The following EXT1 variants were observed in gnomAD, a reference collection of about 807,000 sequenced individuals.
EXT1 encodes exostosin glycosyltransferase 1.
A neutral mutation model predicts 82.5 loss-of-function variants in EXT1; 20 were observed. The observed-to-expected ratio is 0.24, with a 90% CI of 0.17 to 0.35. The LOEUF is 0.35. EXT1 is among the 10% of genes least tolerant of loss of function. The pLI is 1.00. For synonymous variants in EXT1, 348 were observed against 350.8 expected (o/e 0.99, Z 0.09); for missense variants, 757 against 936.5 (o/e 0.81, Z 2.50).
At chr8:118,100,893 T>C (rs1817706414) in intron 1 of EXT1, among the ~76,000 whole-genome samples, 2 of 152,090 alleles carry the variant, frequency 1.3e-5, no homozygotes, top group African/African-American at 4.8e-5. Context: ...CCCACACACA[T>C]GCAAGCCCCA....
chr8:118,010,558 A>G (rs1457527196), intron 1 of EXT1, among the ~76,000 whole-genome samples: 1 of 152,132 alleles, frequency 6.6e-6, no homozygotes, highest in Non-Finnish European at 1.5e-5. Context: ...TGAATGTGTT[A>G]CGCTGACCTC....
At chr8:117,986,583 A>G (rs1415794330) in intron 1 of EXT1, among the ~76,000 whole-genome samples, 1 of 152,220 alleles carries the variant, frequency 6.6e-6, no homozygotes, top group Non-Finnish European at 1.5e-5. Context: ...ATGTGGCCAC[A>G]TCTCCCAGTA....
At chr8:117,993,307 T>C (rs1205677968) in intron 1 of EXT1, among the ~76,000 whole-genome samples, 1 of 152,196 alleles carries the variant, frequency 6.6e-6, no homozygotes, top group Non-Finnish European at 1.5e-5. Context: ...AAAAAATTAC[T>C]GATGGAGGAA....
At chr8:118,096,596 A>AAAGGAAGG (rs145028080) in intron 1 of EXT1, among the ~76,000 whole-genome samples, 1 of 119,080 alleles carries the variant, frequency 8.4e-6, no homozygotes, top group African/African-American at 3.1e-5. Flanking sequence ...CTCCGTCAAG[A>AAAGGAAGG]AAGGAAGGAA....
At chr8:117,997,398 G>A (rs919271384) in intron 1 of EXT1, among the ~76,000 whole-genome samples, 1 of 151,344 alleles carries the variant, frequency 6.6e-6, no homozygotes, top group African/African-American at 2.4e-5. Flanking sequence ...GTTGATGGAT[G>A]TATATTTAGA....
At chr8:117,805,549 G>GA (rs1210724485) in intron 9 of EXT1, among the ~76,000 whole-genome samples, 1 of 152,134 alleles carries the variant, frequency 6.6e-6, no homozygotes, top group Non-Finnish European at 1.5e-5. Context: ...ATATTTATAG[G>GA]AAAAATCATT....
At chr8:117,899,001 G>C (rs1235789872) in intron 1 of EXT1, among the ~76,000 whole-genome samples, 1 of 152,116 alleles carries the variant, frequency 6.6e-6, no homozygotes, top group Non-Finnish European at 1.5e-5. Flanking sequence ...GAAAAATGAA[G>C]TGATTGATAA....
intron 1 of EXT1, among the ~76,000 whole-genome samples, chr8:118,066,695 A>G (rs561614506): frequency 3.0e-4 from 46 of 152,270 alleles, no homozygotes; most frequent in African/African-American, 1.1e-3. Context: ...AGCATATAAT[A>G]TATAGAACAA....
At chr8:117,842,099 C>T (rs1400215904) in intron 1 of EXT1, among the ~76,000 whole-genome samples, 1 of 152,246 alleles carries the variant, frequency 6.6e-6, no homozygotes, top group East Asian at 1.9e-4. Context: ...ATGATGCACC[C>T]TAAATTTTCA....
intron 1 of EXT1, among the ~76,000 whole-genome samples, chr8:117,949,267 G>A (rs919595895): frequency 1.3e-5 from 2 of 151,990 alleles, no homozygotes; most frequent in African/African-American, 2.4e-5. Context: ...TAAAATAAAA[G>A]GCAGTTGAAA....
chr8:117,799,965 A>C, intron 10 of EXT1, 68 bp from the exon 11 acceptor site: 2 of 1,542,520 alleles, frequency 1.3e-6, no homozygotes, highest in Non-Finnish European at 1.8e-6. Flanking sequence ...ACATTGCAGA[A>C]AATGGAGTCA....
chr8:117,973,886 G>GAAAGGAAAGGAAAGGAATGGAAAGA (rs747386364), intron 1 of EXT1, among the ~76,000 whole-genome samples: 1 of 67,320 alleles, frequency 1.5e-5, no homozygotes, highest in Non-Finnish European at 3.1e-5. Context: ...GAAAGGAAAG[G>GAAAGGAAAGGAAAGGAATGGAAAGA]AAGGAAAGGA....
At chr8:118,038,209 A>C (rs1157375024) in intron 1 of EXT1, among the ~76,000 whole-genome samples, 2 of 152,198 alleles carry the variant, frequency 1.3e-5, no homozygotes, top group Admixed American at 1.3e-4. Flanking sequence ...AAAGTGGGAA[A>C]GGGGGTAGAT....
intron 1 of EXT1, among the ~76,000 whole-genome samples, chr8:117,865,892 T>C (rs1446933752): frequency 2.6e-5 from 4 of 152,326 alleles, no homozygotes; most frequent in Non-Finnish European, 5.9e-5. Context: ...GAGCTTATCA[T>C]TTCATGGAGG....
At chr8:117,971,283 T>C (rs1814934133) in intron 1 of EXT1, among the ~76,000 whole-genome samples, 1 of 152,204 alleles carries the variant, frequency 6.6e-6, no homozygotes, top group Non-Finnish European at 1.5e-5. Flanking sequence ...ACAATACTAC[T>C]TCACCTCCCC....
chr8:117,989,711 C>T (rs1815395274), intron 1 of EXT1, among the ~76,000 whole-genome samples: 1 of 152,190 alleles, frequency 6.6e-6, no homozygotes, highest in Admixed American at 6.5e-5. Flanking sequence ...AACATTTATA[C>T]AAAAGAGATC....
At chr8:117,922,151 T>C (rs1352763578) in intron 1 of EXT1, among the ~76,000 whole-genome samples, 3 of 152,238 alleles carry the variant, frequency 2.0e-5, no homozygotes, top group South Asian at 4.1e-4. Context: ...CCTGAAACTG[T>C]CATGGGCTAT....
At chr8:117,959,535 C>T (rs1814656695) in intron 1 of EXT1, among the ~76,000 whole-genome samples, 1 of 152,196 alleles carries the variant, frequency 6.6e-6, no homozygotes, top group Non-Finnish European at 1.5e-5. Context: ...TCATCATGAT[C>T]ACCTGCTTGA....
rs141953121 is a variant in EXT1, at chr8:118,040,942, G to A, written c.962+69143C>T. On this transcript the variant is annotated intron_variant, in intron 1 of 10. Coordinates refer to ENST00000378204, the MANE Select transcript of EXT1 (RefSeq NM_000127.3). ...GCCTGAACCACAAGCTCTCTAATCC[G>A]TCAGCTTCAGAGTCACATTACTGCA... Among the ~76,000 whole-genome samples, 862 of 152,244 alleles carry A rather than the reference G, an allele frequency of 5.7e-3. 5 individuals carry two copies. The highest frequency in any genetic ancestry group is 6.1e-3 in the Non-Finnish European group (415 of 68,012).
Sources: allele counts gnomAD v4.1 joint callset (sites outside exome capture counted in the v4.1 genomes callset), GRCh38; gene constraint gnomAD v4.1.1; transcripts MANE v1.5; gene names NCBI Gene and HGNC (gene_info 2026-07-23, HGNC 2026-07-21).